Variants in FAM76A observed in about 807,000 individuals in gnomAD.
The protein encoded by FAM76A is family with sequence similarity 76 member A.
Under a neutral mutation model 46.2 loss-of-function variants are expected in FAM76A, and 32 were observed. The ratio of observed to expected loss-of-function variants is 0.69; its 90% CI spans 0.52 to 0.93. The LOEUF (loss-of-function observed/expected upper bound fraction) is 0.93. Ranked by LOEUF, FAM76A falls within the 40% of genes least tolerant of loss-of-function variation. The pLI is 0.00. For missense variants in FAM76A, 274 were observed against 361.5 expected (o/e 0.76, Z 1.96); for synonymous variants, 137 against 127.0 (o/e 1.08, Z -0.53).
chr1:27,759,782 T>TTTTTGTTTTTTTG lies in FAM76A; in HGVS notation c.837+159_837+160insGTTTTTTTGTTTT, dbSNP rs983844900. 29 of 588,504 alleles carry TTTTTGTTTTTTTG rather than the reference T, an allele frequency of 4.9e-5. No homozygotes were observed. The African/African-American group carries it at 7.2e-4, about 15-fold the overall frequency. 36.5% of individuals were successfully genotyped at this position (588,504 alleles called of 1,614,324 possible). A position where few individuals can be genotyped will look rare whatever the true frequency, so the allele number is the denominator to read the frequency against. ...CCCTTTTAGGTTTTTTTTTTTTGTT[T>TTTTTGTTTTTTTG]TTTTTTTGAGACAGGTTCTCTGTCG... On this transcript the variant is annotated intron_variant, in intron 8 of 8. Transcript: ENST00000373954.
At chr1:27,758,772 C>G (rs1330208293) in intron 7 of FAM76A, among the ~76,000 whole-genome samples, 1 of 149,330 alleles carries the variant, frequency 6.7e-6, no homozygotes, top group African/African-American at 2.5e-5. Context: ...GCCCTTTTGG[C>G]CTCCCAAAGT....
In FAM76A at chr1:27,727,426, T is replaced by G. The variant is rs141550747; in HGVS notation, c.82-46T>G. The G allele has an allele frequency of 9.8e-4, 1,520 of 1,544,700 alleles. 3 individuals are homozygous for G. Among genetic ancestry groups the G allele is most frequent in the Admixed American group, 2.5e-3 (149 of 59,674 alleles). On this transcript the variant is annotated intron_variant, in intron 1 of 8. Transcript: ENST00000373954. ...GGTCGGCTTCCTACTGAAGGCTGTT[T>G]CCATTTGTGACTGCCTTTTAAAATT...
At chr1:27,728,421 T>A (rs1571462928) in intron 2 of FAM76A, among the ~76,000 whole-genome samples, 1 of 152,226 alleles carries the variant, frequency 6.6e-6, no homozygotes, top group East Asian at 1.9e-4. Flanking sequence ...GGAGCCGTCA[T>A]GGCTCACTGC....
chr1:27,741,402 TGCCTACCTCA>T (rs1387983378), intron 4 of FAM76A, among the ~76,000 whole-genome samples: 4 of 152,066 alleles, frequency 2.6e-5, no homozygotes, highest in African/African-American at 7.2e-5. Context: ...TCAAGCAATC[TGCCTACCTCA>T]GCCTTCCAAA....
intron 7 of FAM76A, among the ~76,000 whole-genome samples, chr1:27,757,976 CAA>C (rs71716143): frequency 2.4e-4 from 28 of 118,370 alleles, no homozygotes; most frequent in African/African-American, 4.2e-4. Flanking sequence ...GACTCCATCT[CAA>C]AAAAAAAAAA....
intron 2 of FAM76A, among the ~76,000 whole-genome samples, chr1:27,729,203 A>G (rs1302970991): frequency 1.3e-5 from 2 of 151,488 alleles, no homozygotes; most frequent in Non-Finnish European, 2.9e-5. Flanking sequence ...AGATTTTATC[A>G]TGGATTTTTT....
intron 6 of FAM76A, among the ~76,000 whole-genome samples, chr1:27,754,892 A>C (rs768206081): frequency 3.9e-5 from 6 of 152,224 alleles, no homozygotes; most frequent in Non-Finnish European, 8.8e-5. Flanking sequence ...ATCTTTAAGG[A>C]ACCTGAAACA....
chr1:27,760,498 A>G lies in FAM76A; in HGVS notation c.841A>G (p.Lys281Glu). 1 of 1,601,264 alleles carries G rather than the reference A, an allele frequency of 6.2e-7. No individual in the cohort carries two copies. The highest frequency in any genetic ancestry group is 8.5e-7 in the Non-Finnish European group (1 of 1,172,400). The change falls in exon 9 of 9, where the codon AAA becomes GAA. Residue 281 changes from lysine to glutamate, a missense_variant. Transcript: ENST00000373954. Reference sequence around the variant, plus strand: ...CACTGATTTTTTTTTTCTTTAGGCCAAAAACCGAGAGCTCCTGAAGCAGGC... The same window carrying G: ...CACTGATTTTTTTTTTCTTTAGGCCGAAAACCGAGAGCTCCTGAAGCAGGC... ...HKEVTEQLQA[K>E]NRELLKQAAA... is the part of the protein sequence containing the mutation.
intron 6 of FAM76A, 149 bp from the exon 7 acceptor site, chr1:27,755,046 G>A (rs1050764286): frequency 9.6e-6 from 8 of 834,342 alleles, no homozygotes; most frequent in Middle Eastern, 2.6e-4. Flanking sequence ...AGCAAGTGCC[G>A]TTGAGCCCAG....
chr1:27,733,123 G>A (rs149492335), intron 3 of FAM76A, among the ~76,000 whole-genome samples: 79 of 152,012 alleles, frequency 5.2e-4, no homozygotes, highest in African/African-American at 1.7e-3. Flanking sequence ...GTAGAGATGG[G>A]GTTTCACCAT....
At chr1:27,758,339 G>A (rs2088449839) in intron 7 of FAM76A, among the ~76,000 whole-genome samples, 1 of 152,140 alleles carries the variant, frequency 6.6e-6, no homozygotes, top group South Asian at 2.1e-4. Context: ...CATGGGAAGA[G>A]ATCTGTGTTC....
intron 5 of FAM76A, 130 bp downstream of exon 5, chr1:27,744,941 G>T (rs2088217308): frequency 2.5e-6 from 2 of 815,082 alleles, no homozygotes; most frequent in Non-Finnish European, 3.7e-6. Flanking sequence ...TAGTCTGTAG[G>T]AGGAAGCTCA....
intron 3 of FAM76A, 65 bp from the exon 4 acceptor site, chr1:27,733,966 C>T: frequency 6.7e-7 from 1 of 1,495,278 alleles, no homozygotes; most frequent in Non-Finnish European, 9.1e-7. Context: ...GGAATTATTG[C>T]TTTTTTAAAT....
chr1:27,755,269 T>G lies in FAM76A; in HGVS notation c.674T>G (p.Val225Gly). The G allele has an allele frequency of 6.2e-7, 1 of 1,614,200 alleles. No individual in the cohort carries two copies. Among genetic ancestry groups the G allele is most frequent in the Non-Finnish European group, 8.5e-7 (1 of 1,180,032 alleles). Reference sequence around the variant, plus strand: ...ATCATTGCCCAACTGAAGGAAGAAGTGGCTACCCTGAAGAAGATGTTGCAT... The same window carrying G: ...ATCATTGCCCAACTGAAGGAAGAAGGGGCTACCCTGAAGAAGATGTTGCAT... ...FVIIAQLKEE[V>G]ATLKKMLHQK... Residue 225 changes from valine to glycine, a missense_variant, in exon 7 of 9, where the codon GTG becomes GGG. By Grantham distance (109) the Val-to-Gly change is moderately radical (BLOSUM62 -3). Transcript: ENST00000373954.
chr1:27,739,244 T>TG, intron 4 of FAM76A: 1 of 506,598 alleles, frequency 2.0e-6, no homozygotes, highest in South Asian at 1.5e-5. Context: ...GGCTGAAGCA[T>TG]GTTAGTGAAG....
rs558364227 is a variant in FAM76A at position 27,745,302 on chromosome 1, C to T, written c.512+491C>T. On this transcript the variant is annotated intron_variant, in intron 5 of 8. Coordinates refer to ENST00000373954, the MANE Select transcript of FAM76A (RefSeq NM_152660.3). ...AATGCTGGCTCTGCCAGGTTCTCTGCGGGGATCTTGGGCAAGTTTTCTCAT... is the reference window on the plus strand; with the variant it reads ...AATGCTGGCTCTGCCAGGTTCTCTGTGGGGATCTTGGGCAAGTTTTCTCAT... Among the ~76,000 whole-genome samples the T allele has an allele frequency of 5.3e-5, 8 of 151,926 alleles. No individual in the cohort carries two copies. In the East Asian group the frequency reaches 7.7e-4, roughly 15 times the overall value.
intron 7 of FAM76A, among the ~76,000 whole-genome samples, chr1:27,757,479 T>C (rs2088431161): frequency 6.6e-6 from 1 of 152,166 alleles, no homozygotes; most frequent in Non-Finnish European, 1.5e-5. Context: ...GTGATTCTCC[T>C]GCCTCAGCCT....
In FAM76A at chr1:27,743,297, T is replaced by G. The variant is rs1009603496; in HGVS notation, c.355-1357T>G. ...TCCCTAGTAGCTGGGACTACAGGCA[T>G]GCACCACCACACCTGGCTAATTTTT... On this transcript the variant is annotated intron_variant, in intron 4 of 8. Coordinates refer to ENST00000373954, the MANE Select transcript of FAM76A (RefSeq NM_152660.3). Among the ~76,000 whole-genome samples the G allele has an allele frequency of 1.1e-4, 16 of 152,218 alleles. 1 individual carries two copies. Among genetic ancestry groups the G allele is most frequent in the Admixed American group, 9.8e-4 (15 of 15,280 alleles).
At chr1:27,758,226 AACC>A (rs1316477387) in intron 7 of FAM76A, among the ~76,000 whole-genome samples, 1 of 152,232 alleles carries the variant, frequency 6.6e-6, no homozygotes, top group African/African-American at 2.4e-5. Context: ...AATATGTCCA[AACC>A]ACACAGCTAG....
Sources: allele counts gnomAD v4.1 joint callset (sites outside exome capture counted in the v4.1 genomes callset), GRCh38; gene constraint gnomAD v4.1.1; transcripts MANE v1.5; gene names NCBI Gene and HGNC (gene_info 2026-07-23, HGNC 2026-07-21).